Variants in ZGPAT observed in about 807,000 individuals in gnomAD.
ZGPAT encodes zinc finger CCCH-type with G patch domain-containing protein.
ZGPAT carries 39 observed loss-of-function variants against 47.9 expected under a neutral mutation model. The ratio of observed to expected loss-of-function variants is 0.81; its 90% CI spans 0.63 to 1.06. The LOEUF (loss-of-function observed/expected upper bound fraction) is 1.06. Ranked by LOEUF, ZGPAT falls within the 50% of genes least tolerant of loss-of-function variation. ZGPAT has a pLI of 0.00. For missense variants in ZGPAT, 717 were observed against 681.4 expected, an observed-to-expected ratio of 1.05 and a Z score of -0.58; for synonymous variants, 348 against 292.9, an observed-to-expected ratio of 1.19 and a Z score of -1.92.
rs560598176 is a variant in ZGPAT at position 63,709,222 on chromosome 20, G to A, written c.584+58G>A. 7.6e-6 allele frequency: 12 copies of A among 1,585,258 alleles called. No individual in the cohort carries two copies. The East Asian group carries it at 1.1e-4, about 15-fold the overall frequency. On this transcript the variant is annotated intron_variant, in intron 2 of 6. Transcript: ENST00000355969. Reference sequence around the variant, plus strand: ...GGGGCGTAAGGGGCACGCACACAGGGTCGGGTCAGGATCGGCCCTCCCTTT... The same window carrying A: ...GGGGCGTAAGGGGCACGCACACAGGATCGGGTCAGGATCGGCCCTCCCTTT...
rs890958378 is a variant in ZGPAT, at chr20:63,735,050, C to T, written c.992-109C>T. On this transcript the variant is annotated intron_variant, in intron 5 of 6. Transcript: ENST00000355969. ...CCTACGGCCACAGCACTGCCATCTCCGTGCTCCTCAGATTCCCGGGGTCCC... is the reference window on the plus strand; with the variant it reads ...CCTACGGCCACAGCACTGCCATCTCTGTGCTCCTCAGATTCCCGGGGTCCC... 21 of 1,400,968 alleles carry T rather than the reference C, an allele frequency of 1.5e-5. No homozygotes were observed. The African/African-American group carries it at 2.1e-4, about 14-fold the overall frequency. The allele number at this position is 1,400,968 out of a possible 1,614,324, so 86.8% of individuals were successfully genotyped here.
In ZGPAT at chr20:63,716,826, C is replaced by T. The variant is rs957505379; in HGVS notation, c.584+7662C>T. On this transcript the variant is annotated intron_variant, in intron 2 of 6. Transcript: ENST00000355969. ...CCTCCTGAGTAGCTGGAACTATAGG[C>T]GTGCACCACCACGCCTGGCTGATTT... Among the ~76,000 whole-genome samples the T allele has an allele frequency of 2.6e-5, 4 of 152,176 alleles. 1 individual carries two copies. The highest frequency in any genetic ancestry group is 4.2e-4 in the South Asian group (2 of 4,816).
At chr20:63,712,207 A>C (rs2091676398) in intron 2 of ZGPAT, among the ~76,000 whole-genome samples, 1 of 152,134 alleles carries the variant, frequency 6.6e-6, no homozygotes, top group African/African-American at 2.4e-5. Flanking sequence ...GGTCCACTTT[A>C]TTCTTTTGCA....
At chr20:63,735,729 G>T in intron 6 of ZGPAT, 52 bp from the exon 7 acceptor site, 1 of 1,555,046 alleles carries the variant, frequency 6.4e-7, no homozygotes, top group South Asian at 1.2e-5. Context: ...CGGCAGACTG[G>T]GGTTGGTGGC....
intron 2 of ZGPAT, among the ~76,000 whole-genome samples, chr20:63,730,953 TC>T (rs2091893162): frequency 6.8e-6 from 1 of 147,548 alleles, no homozygotes; most frequent in South Asian, 2.1e-4. Context: ...TCTCTCTCTC[TC>T]TCTCTCTCTC....
chr20:63,724,230 G>T (rs2091819319), intron 2 of ZGPAT, among the ~76,000 whole-genome samples: 1 of 152,052 alleles, frequency 6.6e-6, no homozygotes, highest in Non-Finnish European at 1.5e-5. Flanking sequence ...GCCGGGTGTG[G>T]TGGTGGGTGT....
chr20:63,724,700 G>C (rs1350022171), intron 2 of ZGPAT, among the ~76,000 whole-genome samples: 2 of 119,944 alleles, frequency 1.7e-5, no homozygotes, highest in African/African-American at 6.6e-5. Flanking sequence ...TTGAGACAAA[G>C]TCTCACTGTG....
At chr20:63,720,464 T>G (rs2091776304) in intron 2 of ZGPAT, among the ~76,000 whole-genome samples, 1 of 150,534 alleles carries the variant, frequency 6.6e-6, no homozygotes, top group African/African-American at 2.5e-5. Context: ...CTATTTTTTA[T>G]TTTTTGAGAC....
At chr20:63,723,449 A>G (rs986439712) in intron 2 of ZGPAT, among the ~76,000 whole-genome samples, 2 of 148,230 alleles carry the variant, frequency 1.3e-5, no homozygotes, top group South Asian at 2.2e-4. Flanking sequence ...CTCCTCTGGC[A>G]TAGCTCCATC....
intron 2 of ZGPAT, among the ~76,000 whole-genome samples, chr20:63,728,995 G>T (rs192975468): frequency 6.6e-6 from 1 of 150,996 alleles, no homozygotes; most frequent in African/African-American, 2.4e-5. Context: ...AGTGAGTTTT[G>T]ATAATTTTGT....
At position 63,735,552 on chromosome 20, in the gene ZGPAT, G is replaced by A. The variant is rs765638920; in HGVS notation, c.1385G>A (p.Arg462His). ...AGGAGCATCCAGGAGGCTCTCGCCC[G>A]CAACGCTGGCCGGTACGTGTGGGGC... ...DIRSIQEALA[R>H]NAGRHSVASA... is the part of the protein sequence containing the mutation. Residue 462 changes from arginine to histidine, a missense_variant, in exon 6 of 7, where the codon CGC (arginine) becomes CAC (histidine). Coordinates refer to ENST00000355969, the MANE Select transcript of ZGPAT (RefSeq NM_181485.3). The A allele has an allele frequency of 9.2e-6, 14 of 1,514,582 alleles. No individual in the cohort carries two copies. Among genetic ancestry groups the A allele is most frequent in the South Asian group, 1.3e-5 (1 of 75,136 alleles). 93.8% of individuals were successfully genotyped at this position (1,514,582 alleles called of 1,614,324 possible). A position where few individuals can be genotyped will look rare whatever the true frequency, so the allele number is the denominator to read the frequency against.
At chr20:63,720,978 CA>C (rs1387815843) in intron 2 of ZGPAT, among the ~76,000 whole-genome samples, 2 of 152,096 alleles carry the variant, frequency 1.3e-5, no homozygotes, top group Admixed American at 6.6e-5. Flanking sequence ...TATATTCTGT[CA>C]GGGGTGCTTG....
chr20:63,729,179 C>T (rs1174816677), intron 2 of ZGPAT, among the ~76,000 whole-genome samples: 5 of 151,968 alleles, frequency 3.3e-5, no homozygotes, highest in African/African-American at 9.7e-5. Context: ...TATAGGCGCA[C>T]GCCATCACAC....
rs376980453 is a variant in ZGPAT at position 63,734,675 on chromosome 20, A to G, written c.872-30A>G. 3 of 1,611,106 alleles carry G rather than the reference A, an allele frequency of 1.9e-6. No homozygotes were observed. The South Asian group carries it at 3.3e-5, about 18-fold the overall frequency. Reference sequence around the variant, plus strand: ...GGGTCGGACGCCGTGGACTCTGCACAGTCCTCTGCCCTCTGTCCGTCTCTT... The same window carrying G: ...GGGTCGGACGCCGTGGACTCTGCACGGTCCTCTGCCCTCTGTCCGTCTCTT... On this transcript the variant is annotated intron_variant, in intron 4 of 6. Coordinates refer to ENST00000355969, the MANE Select transcript of ZGPAT (RefSeq NM_181485.3).
At chr20:63,734,544 C>A in intron 4 of ZGPAT, 161 bp from the exon 5 acceptor site, 1 of 1,400,658 alleles carries the variant, frequency 7.1e-7, no homozygotes, top group Non-Finnish European at 9.6e-7. Context: ...GGTGGGGTGT[C>A]GTGGCTCTGC....
rs1391948073 is a variant in ZGPAT at position 63,708,596 on chromosome 20, C to G, written c.16C>G (p.Leu6Val). ...CTCTCTCAGCATGGACGAGGAGAGCCTGGAGTCGGCCTTGCAGACCTACCG... is the reference window on the plus strand; with the variant it reads ...CTCTCTCAGCATGGACGAGGAGAGCGTGGAGTCGGCCTTGCAGACCTACCG... MDEES[L>V]ESALQTYRAQ... The change falls in exon 2 of 7, where the codon CTG (leucine) becomes GTG (valine). Residue 6 changes from leucine (L) to valine (V), a missense_variant. Transcript: ENST00000355969. 6.2e-7 allele frequency: 1 copy of G among 1,603,020 alleles called. No individual in the cohort carries two copies. The highest frequency in any genetic ancestry group is 1.3e-5 in the African/African-American group (1 of 74,802).
At chr20:63,711,222 A>G (rs1395422109) in intron 2 of ZGPAT, among the ~76,000 whole-genome samples, 5 of 151,886 alleles carry the variant, frequency 3.3e-5, no homozygotes, top group African/African-American at 1.2e-4. Context: ...TAGAGACGGG[A>G]TTTCACCATA....
At chr20:63,715,827 C>CGT (rs1555828266) in intron 2 of ZGPAT, among the ~76,000 whole-genome samples, 4 of 148,604 alleles carry the variant, frequency 2.7e-5, no homozygotes, top group Non-Finnish European at 3.0e-5. Context: ...TATATACAAT[C>CGT]ATATATAGAG....
chr20:63,732,685 T>TGG (rs1254293382), intron 2 of ZGPAT, among the ~76,000 whole-genome samples: 1 of 151,454 alleles, frequency 6.6e-6, no homozygotes, highest in African/African-American at 2.4e-5. Context: ...TGTGTGCATG[T>TGG]GTGTATGCAT....
Sources: allele counts gnomAD v4.1 joint callset (sites outside exome capture counted in the v4.1 genomes callset), GRCh38; gene constraint gnomAD v4.1.1; transcripts MANE v1.5; gene names NCBI Gene and HGNC (gene_info 2026-07-23, HGNC 2026-07-21).